Variants in PCDHA9 observed in about 807,000 individuals in gnomAD.
PCDHA9 encodes protocadherin alpha-9.
PCDHA9 carries 62 observed loss-of-function variants against 62.0 expected under a neutral mutation model. That is an observed-to-expected ratio of 1.00 (90% CI 0.81 to 1.23). The LOEUF is 1.23. Among genes scored for constraint, PCDHA9 ranks in the 50% most tolerant of loss-of-function variants. The probability of loss-of-function intolerance (pLI) is 0.00; values close to 1 mark genes in which losing one functional copy is unlikely to be tolerated. For missense variants in PCDHA9, 1,205 were observed against 1,249.8 expected, an observed-to-expected ratio of 0.96 and a Z score of 0.54; for synonymous variants, 557 against 567.6, an observed-to-expected ratio of 0.98 and a Z score of 0.27.
chr5:140,909,280 T>C (rs1353122604), intron 1 of PCDHA9, among the ~76,000 whole-genome samples: 3 of 152,212 alleles, frequency 2.0e-5, no homozygotes, highest in African/African-American at 7.2e-5. Flanking sequence ...TTGCTTCTGG[T>C]GGGCCTTATG....
At chr5:140,904,110 T>C (rs556511949) in intron 1 of PCDHA9, among the ~76,000 whole-genome samples, 2 of 152,218 alleles carry the variant, frequency 1.3e-5, no homozygotes, top group Non-Finnish European at 2.9e-5. Context: ...TGGTCATTGC[T>C]GAGATTTTGG....
chr5:140,883,475 AACT>A, intron 1 of PCDHA9: 1 of 1,614,106 alleles, frequency 6.2e-7, no homozygotes. Context: ...CACCTACAAG[AACT>A]ACTACTCATT....
intron 1 of PCDHA9, chr5:140,865,095 C>T (rs1163378400): frequency 2.0e-5 from 3 of 152,198 alleles, no homozygotes; most frequent in African/African-American, 7.2e-5. Context: ...TTAATAAAGG[C>T]ACTTCCACTT....
chr5:140,858,271 C>G (rs782492418), intron 1 of PCDHA9: 1 of 1,597,010 alleles, frequency 6.3e-7, no homozygotes, highest in Admixed American at 1.7e-5. Flanking sequence ...TGTGCTCTAG[C>G]GCGGTGGGGA....
chr5:140,958,422 C>A (rs1436234763), intron 1 of PCDHA9, among the ~76,000 whole-genome samples: 1 of 152,120 alleles, frequency 6.6e-6, no homozygotes, highest in African/African-American at 2.4e-5. Context: ...TGGAAAGAAG[C>A]ACTTTTTATA....
rs371246236 is a variant in PCDHA9 at position 140,876,855 on chromosome 5, A to G, written c.2394+25966A>G. ...CTGCGTTCGCGCAGCCCGAGTACACAGTGTTCGTGAAGGAGAACAACCCGC... is the reference window on the plus strand; with the variant it reads ...CTGCGTTCGCGCAGCCCGAGTACACGGTGTTCGTGAAGGAGAACAACCCGC... On this transcript the variant is annotated intron_variant, in intron 1 of 3. Coordinates refer to ENST00000532602, the MANE Select transcript of PCDHA9 (RefSeq NM_031857.2). The G allele has an allele frequency of 2.0e-4, 322 of 1,614,052 alleles. 4 individuals are homozygous for G. The East Asian group carries it at 3.4e-3, about 17-fold the overall frequency.
chr5:140,910,411 A>C (rs1554194248), intron 1 of PCDHA9, among the ~76,000 whole-genome samples: 2 of 152,062 alleles, frequency 1.3e-5, no homozygotes, highest in African/African-American at 4.8e-5. Flanking sequence ...CCACCTCGAG[A>C]TCCAATTATT....
intron 1 of PCDHA9, among the ~76,000 whole-genome samples, chr5:140,974,459 C>G (rs59098360): frequency 0.013 from 1,989 of 152,274 alleles, 54 homozygotes; most frequent in African/African-American, 0.046. Flanking sequence ...TGACTACATT[C>G]AGAGGAAAGT....
chr5:140,953,522 G>A (rs246031), intron 1 of PCDHA9, among the ~76,000 whole-genome samples: 85,599 of 151,862 alleles, frequency 0.56, 24,738 homozygotes, highest in African/African-American at 0.69. Flanking sequence ...CAACAAAAAC[G>A]GGAAACTCAC....
intron 1 of PCDHA9, among the ~76,000 whole-genome samples, chr5:140,923,825 G>A (rs2081532169): frequency 6.6e-6 from 1 of 152,224 alleles, no homozygotes; most frequent in East Asian, 1.9e-4. Context: ...ATAGACGTCA[G>A]TGGCAGTTTA....
intron 1 of PCDHA9, among the ~76,000 whole-genome samples, chr5:140,945,365 G>A (rs1458066318): frequency 6.6e-6 from 1 of 151,914 alleles, no homozygotes; most frequent in Non-Finnish European, 1.5e-5. Flanking sequence ...TGTTTAAAAT[G>A]TCCATATTAC....
At chr5:140,897,648 T>C (rs556362001) in intron 1 of PCDHA9, among the ~76,000 whole-genome samples, 1 of 152,302 alleles carries the variant, frequency 6.6e-6, no homozygotes, top group African/African-American at 2.4e-5. Flanking sequence ...ACAATAAACA[T>C]ACGTGTGCAT....
At chr5:140,946,374 CGGTT>C (rs1308149019) in intron 1 of PCDHA9, among the ~76,000 whole-genome samples, 6 of 151,656 alleles carry the variant, frequency 4.0e-5, no homozygotes, top group Non-Finnish European at 5.9e-5. Flanking sequence ...CTCTTGCACA[CGGTT>C]GGTAGGAATG....
chr5:140,925,668 A>G (rs1215540778), intron 1 of PCDHA9, among the ~76,000 whole-genome samples: 1 of 149,482 alleles, frequency 6.7e-6, no homozygotes, highest in Admixed American at 6.7e-5. Context: ...TAATAATAAT[A>G]ATAATAATAA....
chr5:140,967,130 G>A (rs1554229204), intron 1 of PCDHA9: 1 of 1,612,184 alleles, frequency 6.2e-7, no homozygotes, highest in East Asian at 2.2e-5. Flanking sequence ...GCTCAGCTTG[G>A]AAGTGCTGGC....
intron 3 of PCDHA9, among the ~76,000 whole-genome samples, chr5:141,000,387 CTCTCTCTCTATATA>C (rs1446529556): frequency 4.5e-4 from 30 of 66,870 alleles, no homozygotes; most frequent in African/African-American, 1.4e-3. Flanking sequence ...CTCTCTCTCT[CTCTCTCTCTATATA>C]TATATATATA....
intron 1 of PCDHA9, chr5:140,869,216 A>C: frequency 6.2e-7 from 1 of 1,613,836 alleles, no homozygotes; most frequent in South Asian, 1.1e-5. Flanking sequence ...GTCTCGGAGG[A>C]GGCCAAACAC....
chr5:140,901,196 C>T (rs1294830498), intron 1 of PCDHA9, among the ~76,000 whole-genome samples: 7 of 152,222 alleles, frequency 4.6e-5, no homozygotes, highest in African/African-American at 1.7e-4. Flanking sequence ...CTTTTCTGTG[C>T]AGAAGGTTTT....
intron 1 of PCDHA9, among the ~76,000 whole-genome samples, chr5:140,939,327 C>T (rs2092367339): frequency 6.6e-6 from 1 of 152,146 alleles, no homozygotes; most frequent in South Asian, 2.1e-4. Flanking sequence ...ATATCATAAT[C>T]TTAGGGGTTA....
Sources: gnomAD v4.1 joint callset for allele counts (sites outside exome capture counted in the v4.1 genomes callset) on GRCh38, gnomAD v4.1.1 for gene constraint, MANE v1.5 for transcripts, NCBI Gene and HGNC (gene_info 2026-07-23, HGNC 2026-07-21) for gene names.